Variants in CFAP54 observed in about 807,000 individuals in gnomAD.
The protein encoded by CFAP54 is cilia- and flagella-associated protein 54.
In CFAP54, 290 loss-of-function variants were observed where a neutral mutation model predicts 370.4. The observed-to-expected ratio is 0.78, with a 90% CI of 0.71 to 0.86. The LOEUF (loss-of-function observed/expected upper bound fraction) is 0.86. CFAP54 is among the 40% of genes least tolerant of loss of function. The pLI, the probability that CFAP54 is intolerant of heterozygous loss-of-function variation, is 0.00. For synonymous variants in CFAP54, 1,206 were observed against 1,236.5 expected, an observed-to-expected ratio of 0.98 and a Z score of 0.52; for missense variants, 3,399 against 3,528.7, an observed-to-expected ratio of 0.96 and a Z score of 0.93.
intron 50 of CFAP54, among the ~76,000 whole-genome samples, chr12:96,738,041 G>C (rs977590750): frequency 6.6e-6 from 1 of 152,174 alleles, no homozygotes; most frequent in African/African-American, 2.4e-5. Context: ...AGGACTGCAA[G>C]GGCAAGAGTC....
chr12:96,826,652 AAT>A (rs1255915003), intron 65 of CFAP54, among the ~76,000 whole-genome samples: 4 of 108,198 alleles, frequency 3.7e-5, no homozygotes, highest in South Asian at 2.6e-4. Context: ...GTATATATTA[AAT>A]ATATTATATA....
At chr12:96,741,783 AAATT>A (rs1203575334) in intron 51 of CFAP54, among the ~76,000 whole-genome samples, 6 of 152,212 alleles carry the variant, frequency 3.9e-5, no homozygotes, top group African/African-American at 1.4e-4. Context: ...TGAGGGTGGC[AAATT>A]AATTATAATA....
In CFAP54 at chr12:96,554,166, T is replaced by C; in HGVS notation, c.2155-16T>C. On this transcript the variant is annotated splice_polypyrimidine_tract_variant and intron_variant, in intron 15 of 67. Transcript: ENST00000524981. ...CCTTGTTTTATTTTTCTTTTTTGTT[T>C]ATAAAATTATTTTAGAAAAATCCTG... The C allele has an allele frequency of 6.9e-7, 1 of 1,456,892 alleles. No homozygotes were observed. Among genetic ancestry groups the C allele is most frequent in the East Asian group, 2.5e-5 (1 of 39,734 alleles). The allele number at this position is 1,456,892 out of a possible 1,614,324, so 90.2% of individuals were successfully genotyped here. A position where few individuals can be genotyped will look rare whatever the true frequency, so the allele number is the denominator to read the frequency against.
intron 38 of CFAP54, among the ~76,000 whole-genome samples, chr12:96,662,652 C>T (rs1041409627): frequency 2.0e-5 from 3 of 152,116 alleles, no homozygotes; most frequent in African/African-American, 7.2e-5. Context: ...ATAACTTATC[C>T]TATATAACAT....
chr12:96,698,740 C>G (rs1406753256), intron 45 of CFAP54, among the ~76,000 whole-genome samples: 1 of 152,134 alleles, frequency 6.6e-6, no homozygotes, highest in African/African-American at 2.4e-5. Context: ...TACTTGTCAC[C>G]AGTAGAGGGC....
intron 39 of CFAP54, among the ~76,000 whole-genome samples, chr12:96,669,698 C>T (rs1232221055): frequency 1.3e-5 from 2 of 152,130 alleles, no homozygotes; most frequent in Non-Finnish European, 2.9e-5. Flanking sequence ...AGGAAAAGGT[C>T]GCTTTGGAAT....
At chr12:96,507,805 C>T (rs1186524175) in intron 4 of CFAP54, among the ~76,000 whole-genome samples, 1 of 152,154 alleles carries the variant, frequency 6.6e-6, no homozygotes, top group Non-Finnish European at 1.5e-5. Context: ...TAGCCTTTTC[C>T]TTTCTCACCC....
intron 50 of CFAP54, among the ~76,000 whole-genome samples, chr12:96,724,514 A>C (rs1957804101): frequency 6.6e-6 from 1 of 151,904 alleles, no homozygotes; most frequent in Non-Finnish European, 1.5e-5. Flanking sequence ...CCCATTTTTG[A>C]TGGGGTTGTT....
At chr12:96,763,814 C>T (rs1009526323) in intron 58 of CFAP54, among the ~76,000 whole-genome samples, 1 of 151,962 alleles carries the variant, frequency 6.6e-6, no homozygotes, top group East Asian at 1.9e-4. Flanking sequence ...TAACTTATTA[C>T]ACAAATAATT....
At chr12:96,818,326 A>G (rs1449566257) in intron 65 of CFAP54, among the ~76,000 whole-genome samples, 1 of 152,214 alleles carries the variant, frequency 6.6e-6, no homozygotes, top group Non-Finnish European at 1.5e-5. Flanking sequence ...TATATTACAT[A>G]TATTTTTTCT....
At chr12:96,664,689 G>GTATATA (rs1274516967) in intron 39 of CFAP54, among the ~76,000 whole-genome samples, 13 of 26,290 alleles carry the variant, frequency 4.9e-4, no homozygotes, top group Middle Eastern at 0.019. Context: ...ATTCCTTTGG[G>GTATATA]TATATATCTA....
At chr12:96,562,531 A>T (rs1376238587) in intron 17 of CFAP54, among the ~76,000 whole-genome samples, 1 of 147,662 alleles carries the variant, frequency 6.8e-6, no homozygotes, top group Admixed American at 6.9e-5. Context: ...GGTTCAAGTG[A>T]TTCTCCTGCC....
intron 66 of CFAP54, among the ~76,000 whole-genome samples, chr12:96,844,014 A>C (rs1482187397): frequency 2.0e-5 from 3 of 152,244 alleles, no homozygotes; most frequent in Non-Finnish European, 4.4e-5. Flanking sequence ...ATTTTTAAAT[A>C]GAAATAATTC....
chr12:96,753,080 C>T (rs148413367), intron 55 of CFAP54, among the ~76,000 whole-genome samples: 152 of 152,036 alleles, frequency 1.0e-3, no homozygotes, highest in African/African-American at 3.5e-3. Flanking sequence ...TTTCTTTTTT[C>T]GTTTTTGTCA....
chr12:96,499,136 T>G (rs1051130613), intron 1 of CFAP54, among the ~76,000 whole-genome samples: 2 of 152,056 alleles, frequency 1.3e-5, no homozygotes, highest in Non-Finnish European at 2.9e-5. Context: ...GCCTGGCTAA[T>G]TTTTGTATTT....
intron 4 of CFAP54, among the ~76,000 whole-genome samples, chr12:96,511,008 T>C (rs1427700381): frequency 6.9e-6 from 1 of 144,220 alleles, no homozygotes; most frequent in Non-Finnish European, 1.5e-5. Flanking sequence ...AGAGTAGAGG[T>C]CAACAAAGCC....
chr12:96,829,222 A>G (rs1959161225), intron 66 of CFAP54, 134 bp downstream of exon 66: 1 of 486,456 alleles, frequency 2.1e-6, no homozygotes, highest in Non-Finnish European at 3.6e-6. Flanking sequence ...AGTGATAAAC[A>G]TGAGTTTACA....
chr12:96,804,268 A>G (rs1958853430), intron 63 of CFAP54, among the ~76,000 whole-genome samples: 1 of 152,206 alleles, frequency 6.6e-6, no homozygotes, highest in African/African-American at 2.4e-5. Flanking sequence ...TATTTAAGAT[A>G]GTACTGGAAT....
At chr12:96,706,126 C>T (rs1957545373) in intron 47 of CFAP54, among the ~76,000 whole-genome samples, 2 of 152,046 alleles carry the variant, frequency 1.3e-5, no homozygotes, top group South Asian at 4.2e-4. Flanking sequence ...ATCAACAATA[C>T]AGAAAAACTC....
Sources: allele counts gnomAD v4.1 joint callset (sites outside exome capture counted in the v4.1 genomes callset), GRCh38; gene constraint gnomAD v4.1.1; transcripts MANE v1.5; gene names NCBI Gene and HGNC (gene_info 2026-07-23, HGNC 2026-07-21).